The following EPHB1 variants were observed in gnomAD, a reference collection of about 807,000 sequenced individuals.
The protein encoded by EPHB1 is EPH receptor B1, also known as ephrin type-B receptor 1.
EPHB1 carries 30 observed loss-of-function variants against 94.4 expected under a neutral mutation model. That is an observed-to-expected ratio of 0.32 (90% CI 0.24 to 0.43). The LOEUF (loss-of-function observed/expected upper bound fraction) is 0.43, where lower values mean the gene tolerates loss of function less well. Ranked by LOEUF, EPHB1 falls within the 20% of genes least tolerant of loss-of-function variation. EPHB1 has a pLI of 1.00. For missense variants in EPHB1, 1,055 were observed against 1,308.3 expected (o/e 0.81, Z 2.99); for synonymous variants, 522 against 489.1 (o/e 1.07, Z -0.89).
chr3:134,906,976 T>C (rs2038345237), intron 1 of EPHB1, among the ~76,000 whole-genome samples: 2 of 152,214 alleles, frequency 1.3e-5, no homozygotes, highest in African/African-American at 4.8e-5. Flanking sequence ...CCTGTGAAAA[T>C]AGTTTATAAA....
chr3:134,929,443 T>A (rs538926324), intron 2 of EPHB1, among the ~76,000 whole-genome samples: 1 of 152,126 alleles, frequency 6.6e-6, no homozygotes, highest in South Asian at 2.1e-4. Context: ...TGTGCACGGG[T>A]GAGGATCCTG....
chr3:135,025,162 TTTC>T lies in EPHB1; in HGVS notation c.805+73113_805+73115del, dbSNP rs1174505998. 1.3e-3 allele frequency among the ~76,000 whole-genome samples: 101 copies of T among 78,156 alleles called. 1 individual carries two copies. The highest frequency in any genetic ancestry group is 1.9e-3 in the Non-Finnish European group (71 of 37,476). 51.3% of individuals were successfully genotyped at this position (78,156 alleles called of 152,430 possible). A position where few individuals can be genotyped will look rare whatever the true frequency, so the allele number is the denominator to read the frequency against. On this transcript the variant is annotated intron_variant, in intron 3 of 15. Coordinates refer to ENST00000398015, the MANE Select transcript of EPHB1 (RefSeq NM_004441.5). ...CCCTCCTTCCTTCCCTCCTTCCTTC[TTTC>T]TTTTTTTTTTTTTTTTCAAGAAGGT...
intron 3 of EPHB1, among the ~76,000 whole-genome samples, chr3:135,034,257 T>C (rs1284251703): frequency 6.6e-6 from 1 of 152,204 alleles, no homozygotes; most frequent in Non-Finnish European, 1.5e-5. Context: ...ATTGACACAA[T>C]TTCAACTGTA....
In EPHB1 at chr3:134,831,099, A is replaced by G. The variant is rs990555871; in HGVS notation, c.58+35410A>G. 2.6e-5 allele frequency among the ~76,000 whole-genome samples: 4 copies of G among 152,216 alleles called. No homozygotes were observed. The East Asian group carries it at 7.7e-4, about 29-fold the overall frequency. On this transcript the variant is annotated intron_variant, in intron 1 of 15. Coordinates refer to ENST00000398015, the MANE Select transcript of EPHB1 (RefSeq NM_004441.5). ...CTTCCCCTAAACCCTTCCAATAAAGAAATTCCAGAATAGTCTCTGGTGAGA... is the reference window on the plus strand; with the variant it reads ...CTTCCCCTAAACCCTTCCAATAAAGGAATTCCAGAATAGTCTCTGGTGAGA...
At position 134,959,966 on chromosome 3, in the gene EPHB1, C is replaced by CTTTT. The variant is rs61369813; in HGVS notation, c.805+7953_805+7956dup. ...AGAATTTGAGCACAAACATCTGCAC[C>CTTTT]TTTTTTTTTTTTTTTTTTTTTTTTT... On this transcript the variant is annotated intron_variant, in intron 3 of 15. Transcript: ENST00000398015. Among the ~76,000 whole-genome samples the CTTTT allele has an allele frequency of 7.4e-4, 80 of 107,398 alleles. 5 individuals carry two copies. The highest frequency in any genetic ancestry group is 3.7e-3 in the East Asian group (9 of 2,422). The allele number at this position is 107,398 out of a possible 152,430, so 70.5% of individuals were successfully genotyped here.
chr3:135,015,383 G>A (rs1284566968), intron 3 of EPHB1, among the ~76,000 whole-genome samples: 1 of 152,152 alleles, frequency 6.6e-6, no homozygotes, highest in Non-Finnish European at 1.5e-5. Context: ...TGGAATTACA[G>A]TCACATGCCA....
At chr3:135,212,604 C>A (rs1451297123) in intron 12 of EPHB1, among the ~76,000 whole-genome samples, 3 of 152,154 alleles carry the variant, frequency 2.0e-5, no homozygotes, top group South Asian at 2.1e-4. Context: ...TTTGGTATTA[C>A]CTTTCCCTTG....
At chr3:134,912,238 A>T (rs1385510806) in intron 1 of EPHB1, among the ~76,000 whole-genome samples, 1 of 152,128 alleles carries the variant, frequency 6.6e-6, no homozygotes, top group African/African-American at 2.4e-5. Flanking sequence ...CAGCAGGTTT[A>T]TTATGCATGG....
At chr3:135,157,646 T>C (rs1272426458) in intron 6 of EPHB1, among the ~76,000 whole-genome samples, 1 of 152,224 alleles carries the variant, frequency 6.6e-6, no homozygotes, top group Non-Finnish European at 1.5e-5. Flanking sequence ...AAATATTGGT[T>C]ACCATTTGGT....
chr3:135,184,464 G>C (rs917386336), intron 10 of EPHB1, among the ~76,000 whole-genome samples: 1 of 152,150 alleles, frequency 6.6e-6, no homozygotes, highest in Non-Finnish European at 1.5e-5. Context: ...TTTAATGTTC[G>C]TCTTTCCTCA....
intron 10 of EPHB1, among the ~76,000 whole-genome samples, chr3:135,184,733 G>A (rs1396456880): frequency 6.6e-6 from 1 of 152,182 alleles, no homozygotes; most frequent in East Asian, 1.9e-4. Context: ...GTGAAGGAAA[G>A]CTGACTCTTC....
At chr3:135,186,533 G>A (rs1942333775) in intron 10 of EPHB1, among the ~76,000 whole-genome samples, 1 of 152,126 alleles carries the variant, frequency 6.6e-6, no homozygotes, top group Non-Finnish European at 1.5e-5. Context: ...TTAGTAACTA[G>A]AAGCTCTGCT....
At chr3:134,840,786 C>G (rs1016332442) in intron 1 of EPHB1, among the ~76,000 whole-genome samples, 1 of 152,202 alleles carries the variant, frequency 6.6e-6, no homozygotes, top group African/African-American at 2.4e-5. Context: ...TATGAGGTCT[C>G]TGACTGGCCC....
chr3:135,244,528 C>T (rs1272521432), intron 13 of EPHB1, among the ~76,000 whole-genome samples: 1 of 152,176 alleles, frequency 6.6e-6, no homozygotes, highest in Non-Finnish European at 1.5e-5. Flanking sequence ...CCTATGCCTC[C>T]AACCTTAGGC....
intron 3 of EPHB1, among the ~76,000 whole-genome samples, chr3:135,087,501 T>C (rs1041574062): frequency 6.6e-6 from 1 of 152,200 alleles, no homozygotes; most frequent in African/African-American, 2.4e-5. Flanking sequence ...TTTCAATGCA[T>C]GTGGTTTCCT....
chr3:134,813,057 C>T (rs1249838170), intron 1 of EPHB1, among the ~76,000 whole-genome samples: 4 of 152,108 alleles, frequency 2.6e-5, no homozygotes. Context: ...ATAATTTGTA[C>T]CTGTGCTGGG....
chr3:134,852,814 AG>A (rs2037020639), intron 1 of EPHB1, among the ~76,000 whole-genome samples: 1 of 152,224 alleles, frequency 6.6e-6, no homozygotes, highest in Admixed American at 6.5e-5. Flanking sequence ...GATAAGGGAC[AG>A]GGGACAAGAA....
chr3:135,119,727 C>G (rs890246129), intron 4 of EPHB1, among the ~76,000 whole-genome samples: 1 of 152,220 alleles, frequency 6.6e-6, no homozygotes, highest in African/African-American at 2.4e-5. Flanking sequence ...GCTGTAGTTA[C>G]AGGCGTGAGC....
At chr3:135,081,358 G>A (rs552892901) in intron 3 of EPHB1, among the ~76,000 whole-genome samples, 1 of 152,294 alleles carries the variant, frequency 6.6e-6, no homozygotes, top group South Asian at 2.1e-4. Flanking sequence ...CAGGGTTTTC[G>A]AGTAGAATCA....
Sources: gnomAD v4.1 joint callset for allele counts (sites outside exome capture counted in the v4.1 genomes callset) on GRCh38, gnomAD v4.1.1 for gene constraint, MANE v1.5 for transcripts, NCBI Gene and HGNC (gene_info 2026-07-23, HGNC 2026-07-21) for gene names.